CFAP20DC: variants seen among roughly 807,000 people sequenced by gnomAD.
The protein encoded by CFAP20DC is CFAP20 domain containing, also known as protein CFAP20DC.
A neutral mutation model predicts 101.7 loss-of-function variants in CFAP20DC; 84 were observed. The ratio of observed to expected loss-of-function variants is 0.83; its 90% CI spans 0.69 to 0.99. The LOEUF is 0.99. CFAP20DC is among the 50% of genes least tolerant of loss of function. The pLI is 0.00. For missense variants in CFAP20DC, 1,007 were observed against 970.3 expected (o/e 1.04, Z -0.50); for synonymous variants, 359 against 351.2 (o/e 1.02, Z -0.25).
At chr3:58,870,104 C>CAAAA in intron 8 of CFAP20DC, 69 bp downstream of exon 8, 1 of 556,948 alleles carries the variant, frequency 1.8e-6, no homozygotes, top group Non-Finnish European at 3.4e-6. Flanking sequence ...CCTCCCTCTA[C>CAAAA]AAGGGGAAGA....
At chr3:58,841,059 T>A (rs1158064789) in intron 13 of CFAP20DC, among the ~76,000 whole-genome samples, 1 of 152,210 alleles carries the variant, frequency 6.6e-6, no homozygotes, top group Non-Finnish European at 1.5e-5. Context: ...ATTTATCAAA[T>A]GACCTAGAGC....
intron 4 of CFAP20DC, among the ~76,000 whole-genome samples, chr3:59,024,778 T>C (rs1416061479): frequency 6.6e-6 from 1 of 152,088 alleles, no homozygotes; most frequent in Non-Finnish European, 1.5e-5. Context: ...TAACAATAAA[T>C]TTAATTAACT....
intron 15 of CFAP20DC, among the ~76,000 whole-genome samples, chr3:58,766,860 T>C (rs919622951): frequency 3.9e-5 from 6 of 152,168 alleles, no homozygotes; most frequent in Non-Finnish European, 7.3e-5. Flanking sequence ...GCCTGGTGAA[T>C]TCATACCCAG....
downstream of CFAP20DC, among the ~76,000 whole-genome samples, chr3:58,740,158 GAAGAGAGAAGAGAA>G (rs1455168814): frequency 2.0e-5 from 3 of 152,122 alleles, no homozygotes; most frequent in East Asian, 1.9e-4. The surrounding 1 kb of genome is among the most constrained non-coding windows in gnomAD (Gnocchi z 4.6). Context: ...AAATGTATGA[GAAGAGAGAAGAGAA>G]AAGAGAGAAG....
intron 4 of CFAP20DC, chr3:59,019,139 C>A (rs1003163115): frequency 6.6e-6 from 1 of 151,966 alleles, no homozygotes; most frequent in African/African-American, 2.4e-5. Flanking sequence ...TGTCTCAAAC[C>A]ATAAGTGTTA....
In CFAP20DC at chr3:58,795,099, A is replaced by T. The variant is rs989938878; in HGVS notation, c.2237+11296T>A. On this transcript the variant is annotated intron_variant, in intron 15 of 16. Transcript: ENST00000482387. This position sits in a 1 kb window ranked among gnomAD's most constrained non-coding sequence, Gnocchi z 4.2. The stretch of plus-strand genomic sequence containing the variant: ...CCCACCTCCAGACAGAATGGAGGTG[A>T]TTGTTATAAACTAGAATTAGTACTT... Among the ~76,000 whole-genome samples, 1 of 152,152 alleles carries T rather than the reference A, an allele frequency of 6.6e-6. No homozygotes were observed. Among genetic ancestry groups the T allele is most frequent in the Admixed American group, 6.5e-5 (1 of 15,272 alleles).
At chr3:58,969,823 A>T (rs2108346993) in intron 4 of CFAP20DC, among the ~76,000 whole-genome samples, 1 of 152,300 alleles carries the variant, frequency 6.6e-6, no homozygotes, top group Middle Eastern at 3.4e-3. Context: ...AAGTATTTGA[A>T]ATAGGCAAAT....
chr3:58,870,835 C>T (rs2080121370), intron 7 of CFAP20DC, among the ~76,000 whole-genome samples: 1 of 133,638 alleles, frequency 7.5e-6, no homozygotes, highest in African/African-American at 2.9e-5. Flanking sequence ...TTGCAGTGAG[C>T]CGAGATTGCG....
chr3:58,821,962 G>T (rs1430647421), intron 14 of CFAP20DC, among the ~76,000 whole-genome samples: 1 of 141,234 alleles, frequency 7.1e-6, no homozygotes, highest in Non-Finnish European at 1.5e-5. Context: ...ATACTATGCA[G>T]CCATAAAAAA....
chr3:58,718,523 A>G (rs2067427126), intron 3 of CFAP20DC, among the ~76,000 whole-genome samples: 1 of 152,132 alleles, frequency 6.6e-6, no homozygotes, highest in East Asian at 1.9e-4. Flanking sequence ...GGGCAGATCC[A>G]CCTGAGAGCC....
rs2079983215 is a variant in CFAP20DC at position 58,869,722 on chromosome 3, TG to T, written c.853-233del. The stretch of plus-strand genomic sequence containing the variant: ...AGTCTCCTAGACACATAAATTAAAA[TG>T]TGCTTATTTGCTACACTCCATCTTC... On this transcript the variant is annotated intron_variant, in intron 8 of 16. Transcript: ENST00000482387. This position sits in a 1 kb window ranked among gnomAD's most constrained non-coding sequence, Gnocchi z 4.3. 6.6e-6 allele frequency among the ~76,000 whole-genome samples: 1 copy of T among 152,150 alleles called. No individual in the cohort carries two copies. The highest frequency in any genetic ancestry group is 2.4e-5 in the African/African-American group (1 of 41,432).
At chr3:58,928,485 G>C (rs1219704326) in intron 5 of CFAP20DC, among the ~76,000 whole-genome samples, 1 of 152,088 alleles carries the variant, frequency 6.6e-6, no homozygotes, top group Non-Finnish European at 1.5e-5. Flanking sequence ...GTATACTTCA[G>C]GTAACTGCAT....
chr3:58,786,441 CA>C (rs1305814841), intron 15 of CFAP20DC, among the ~76,000 whole-genome samples: 1 of 151,938 alleles, frequency 6.6e-6, no homozygotes, highest in Admixed American at 6.6e-5. Flanking sequence ...AATCATGGTC[CA>C]AAAATATTAA....
intron 6 of CFAP20DC, among the ~76,000 whole-genome samples, chr3:58,904,462 T>C (rs1035766795): frequency 9.2e-5 from 14 of 152,050 alleles, no homozygotes; most frequent in African/African-American, 1.4e-4. Flanking sequence ...GGAGATTTGC[T>C]AGGAAAGGGC....
intron 4 of CFAP20DC, among the ~76,000 whole-genome samples, chr3:58,942,476 G>A (rs1017392308): frequency 6.6e-6 from 1 of 152,180 alleles, no homozygotes; most frequent in Non-Finnish European, 1.5e-5. Context: ...AAGGTGTCAG[G>A]GAACTCCCTC....
At position 58,897,449 on chromosome 3, in the gene CFAP20DC, C is replaced by T. The variant is rs1158987689; in HGVS notation, c.551-12740G>A. ...TTTTGCAGATTTGTTTATGTGGTTG[C>T]TTCAATGTTACTGGGCTGTGTACTT... On this transcript the variant is annotated intron_variant, in intron 6 of 16. Transcript: ENST00000482387. The surrounding 1 kb of genome is among the most constrained non-coding windows in gnomAD (Gnocchi z 4.4). 6.6e-6 allele frequency among the ~76,000 whole-genome samples: 1 copy of T among 152,182 alleles called. No homozygotes were observed. Among genetic ancestry groups the T allele is most frequent in the East Asian group, 1.9e-4 (1 of 5,202 alleles).
intron 6 of CFAP20DC, among the ~76,000 whole-genome samples, chr3:58,906,020 T>TA (rs112568557): frequency 0.037 from 5,661 of 152,268 alleles, 327 homozygotes; most frequent in African/African-American, 0.13. Flanking sequence ...GCTGTACTAC[T>TA]GAAGAATAGT....
rs534606864 is a variant in CFAP20DC, at chr3:58,971,894, A to G, written c.279-34132T>C. Among the ~76,000 whole-genome samples the G allele has an allele frequency of 7.1e-6, 1 of 141,822 alleles. No individual in the cohort carries two copies. Among genetic ancestry groups the G allele is most frequent in the Non-Finnish European group, 1.5e-5 (1 of 65,622 alleles). The allele number at this position is 141,822 out of a possible 152,430, so 93.0% of individuals were successfully genotyped here. On this transcript the variant is annotated intron_variant, in intron 4 of 16. Transcript: ENST00000482387. This position sits in a 1 kb window ranked among gnomAD's most constrained non-coding sequence, Gnocchi z 4.1. ...ACACACACACACACACACACACACA[A>G]TTAAGCTCTAGAGGTACTCCCAAAA...
chr3:58,748,965 GTA>G (rs2068385244), intron 16 of CFAP20DC, among the ~76,000 whole-genome samples: 1 of 152,148 alleles, frequency 6.6e-6, no homozygotes, highest in Non-Finnish European at 1.5e-5. Context: ...TTGGGAGGAG[GTA>G]TGAGGTAATG....
Sources: allele counts gnomAD v4.1 joint callset (sites outside exome capture counted in the v4.1 genomes callset), GRCh38; gene constraint gnomAD v4.1.1; non-coding constraint Gnocchi (gnomAD v3.1); transcripts MANE v1.5; gene names NCBI Gene and HGNC (gene_info 2026-07-23, HGNC 2026-07-21).